WNK1: variants seen among roughly 807,000 people sequenced by gnomAD.
WNK1 encodes WNK lysine deficient protein kinase 1.
A neutral mutation model predicts 222.8 loss-of-function variants in WNK1; 38 were observed. The observed-to-expected ratio is 0.17, with a 90% CI of 0.13 to 0.22. The LOEUF is 0.22. Ranked by LOEUF, WNK1 falls within the 10% of genes least tolerant of loss-of-function variation. WNK1 has a pLI of 1.00. For synonymous variants in WNK1, 1,090 were observed against 1,092.9 expected, an observed-to-expected ratio of 1.00 and a Z score of 0.05; for missense variants, 2,348 against 2,918.4, an observed-to-expected ratio of 0.80 and a Z score of 4.50.
intron 1 of WNK1, among the ~76,000 whole-genome samples, chr12:785,512 C>G (rs565683361): frequency 5.4e-5 from 8 of 149,420 alleles, no homozygotes; most frequent in South Asian, 4.2e-4. Context: ...GCAGTTCTGC[C>G]TCAGCCTCCC....
chr12:756,842 G>GA (rs1205112348), intron 1 of WNK1, among the ~76,000 whole-genome samples: 2 of 152,192 alleles, frequency 1.3e-5, no homozygotes, highest in Non-Finnish European at 2.9e-5. Context: ...AAGCAAGACA[G>GA]GAGAATATTG....
In WNK1 at chr12:890,679, G is replaced by A. The variant is rs72650754; in HGVS notation, c.5509+166G>A. 5.3e-3 allele frequency among the ~76,000 whole-genome samples: 814 copies of A among 152,240 alleles called. 5 individuals are homozygous for A. The highest frequency in any genetic ancestry group is 0.019 in the South Asian group (90 of 4,822). On this transcript the variant is annotated intron_variant, in intron 22 of 27. Transcript: ENST00000315939. ...ATTAGCAAATTAATAAATCTGTTCCGTTATTATTTGTCAGAGGAAAGGTTA... is the reference window on the plus strand; with the variant it reads ...ATTAGCAAATTAATAAATCTGTTCCATTATTATTTGTCAGAGGAAAGGTTA...
In WNK1 at chr12:885,970, T is replaced by A. The variant is rs745496286; in HGVS notation, c.5166T>A (p.Ala1722=). ...CCAATTTACCACTAGGAACAGTTGC[T>A]TTGCCAGTTACACCAGTGGTCACAC... ...PPTNLPLGTV[A]LPVTPVVTPG... The change falls in exon 19 of 28, where the codon GCT becomes GCA. Residue 1722 remains alanine (A), a synonymous_variant. Coordinates refer to ENST00000315939, the MANE Select transcript of WNK1 (RefSeq NM_018979.4). 1 of 1,591,512 alleles carries A rather than the reference T, an allele frequency of 6.3e-7. No homozygotes were observed. The highest frequency in any genetic ancestry group is 1.4e-5 in the African/African-American group (1 of 73,984).
intron 25 of WNK1, among the ~76,000 whole-genome samples, chr12:899,318 G>GTTTTTGT: frequency 6.6e-6 from 1 of 151,642 alleles, no homozygotes; most frequent in Non-Finnish European, 1.5e-5. Flanking sequence ...TTTTGTTTTT[G>GTTTTTGT]TTTTTTTGAG....
chr12:874,210 G>A (rs977473532), intron 9 of WNK1, among the ~76,000 whole-genome samples: 1 of 151,922 alleles, frequency 6.6e-6, no homozygotes, highest in African/African-American at 2.4e-5. Context: ...CATAAAGTCT[G>A]TTTGAACTGG....
At chr12:905,571 T>G (rs1279380306) in intron 26 of WNK1, among the ~76,000 whole-genome samples, 1 of 152,206 alleles carries the variant, frequency 6.6e-6, no homozygotes, top group African/African-American at 2.4e-5. Flanking sequence ...TATTTCTGTT[T>G]TTTGTTTTGA....
chr12:880,636 T>A, intron 11 of WNK1, 85 bp from the exon 12 acceptor site: 1 of 351,784 alleles, frequency 2.8e-6, no homozygotes, highest in Non-Finnish European at 4.1e-6. Context: ...GTGTGCTTCT[T>A]TTTTTTTTTT....
At chr12:883,643 T>C (rs1041591494) in intron 16 of WNK1, 75 bp downstream of exon 16, 36 of 1,604,860 alleles carry the variant, frequency 2.2e-5, no homozygotes, top group Non-Finnish European at 2.9e-5. Context: ...CTATGCAAAA[T>C]GTCCAGTGAT....
rs543991926 is a variant in WNK1 at position 885,336 on chromosome 12, G to A, written c.4532G>A (p.Ser1511Asn). 3.2e-5 allele frequency: 52 copies of A among 1,614,060 alleles called. No individual in the cohort carries two copies. In the South Asian group the frequency reaches 4.9e-4, roughly 15 times the overall value. Residue 1511 changes from serine (S) to asparagine (N), a missense_variant, in exon 19 of 28, where the codon AGC becomes AAC. Around this residue, in one of 13 missense-constraint regions of WNK1, gnomAD observed 1,144 missense variants for 1,273.6 expected, o/e 0.90. Coordinates refer to ENST00000315939, the MANE Select transcript of WNK1 (RefSeq NM_018979.4). ...TCACAGCTGTGCATTCAGCTTAGCAGCAGTACTTCTACTCCTACTTTAGCT... is the reference window on the plus strand; with the variant it reads ...TCACAGCTGTGCATTCAGCTTAGCAACAGTACTTCTACTCCTACTTTAGCT... ...TASQLCIQLSSSTSTPTLAET... is the reference protein window; with the variant it reads ...TASQLCIQLSNSTSTPTLAET...
intron 8 of WNK1, chr12:868,814 T>C (rs776996685): frequency 1.2e-6 from 2 of 1,614,044 alleles, no homozygotes; most frequent in South Asian, 2.2e-5. Context: ...TGCCCCAGAA[T>C]TGACCGTTTC....
At chr12:838,322 G>C (rs1949360248) in intron 4 of WNK1, among the ~76,000 whole-genome samples, 1 of 152,096 alleles carries the variant, frequency 6.6e-6, no homozygotes, top group Non-Finnish European at 1.5e-5. Flanking sequence ...AGAACTGCCA[G>C]CCTATTTTCC....
chr12:878,094 CTTGA>C (rs750218049), intron 9 of WNK1, 114 bp from the exon 10 acceptor site: 19 of 1,345,702 alleles, frequency 1.4e-5, no homozygotes, highest in Non-Finnish European at 1.8e-5. Context: ...TTGTGCATGT[CTTGA>C]TTACTAAAAT....
chr12:798,200 T>G (rs979821632), intron 1 of WNK1, among the ~76,000 whole-genome samples: 4 of 151,684 alleles, frequency 2.6e-5, no homozygotes, highest in East Asian at 3.9e-4. Flanking sequence ...TTCTTTTTTT[T>G]TTTGTTTTTG....
chr12:826,400 CT>C (rs1290706647), intron 2 of WNK1, among the ~76,000 whole-genome samples: 1 of 152,188 alleles, frequency 6.6e-6, no homozygotes, highest in African/African-American at 2.4e-5. Flanking sequence ...CCATTTCTGT[CT>C]GGGGTTTAGC....
At chr12:754,387 G>C in intron 1 of WNK1, 63 bp downstream of exon 1, 1 of 1,602,724 alleles carries the variant, frequency 6.2e-7, no homozygotes, top group Non-Finnish European at 8.5e-7. Flanking sequence ...GGCGAAGCCA[G>C]TTGATCGAGT....
In WNK1 at chr12:884,310, A is replaced by T; in HGVS notation, c.3844+67A>T. 1 of 1,604,690 alleles carries T rather than the reference A, an allele frequency of 6.2e-7. No individual in the cohort carries two copies. Among genetic ancestry groups the T allele is most frequent in the Non-Finnish European group, 8.5e-7 (1 of 1,172,682 alleles). On this transcript the variant is annotated intron_variant, in intron 18 of 27. Transcript: ENST00000315939. The surrounding 1 kb of genome is among the most constrained non-coding windows in gnomAD (Gnocchi z 5.6). ...GTGCCTCTGCTATGTTGAAAGCTTAATCATAAAGCAGTAATTTATGATGAC... is the reference window on the plus strand; with the variant it reads ...GTGCCTCTGCTATGTTGAAAGCTTATTCATAAAGCAGTAATTTATGATGAC...
rs1056907546 is a variant in WNK1, at chr12:868,318, G to T, written c.2140-2947G>T. ...ATTACCAGGCCCGGGTGGCAGAACA[G>T]TATGAGGGCATTCCATACAACTCAT... On this transcript the variant is annotated intron_variant, in intron 8 of 27. Transcript: ENST00000315939. The T allele has an allele frequency of 6.2e-7, 1 of 1,612,604 alleles. No individual in the cohort carries two copies. The highest frequency in any genetic ancestry group is 8.5e-7 in the Non-Finnish European group (1 of 1,179,202).
chr12:795,989 G>C (rs181634504), intron 1 of WNK1, among the ~76,000 whole-genome samples: 62 of 152,204 alleles, frequency 4.1e-4, no homozygotes, highest in African/African-American at 1.4e-3. Context: ...CCGGGTTCAA[G>C]TGACCTTCCC....
Position 884,051 on chromosome 12 carries a change from A to G in WNK1, c.3722-70A>G. The G allele has an allele frequency of 7.5e-6, 12 of 1,605,652 alleles. No individual in the cohort carries two copies. The highest frequency in any genetic ancestry group is 2.2e-5 in the South Asian group (2 of 90,262). ...TCAAAAAAAGCAGTTGTATGTGCCA[A>G]TAATGAAGTCTAACAATATTTATAA... On this transcript the variant is annotated intron_variant, in intron 17 of 27. Coordinates refer to ENST00000315939, the MANE Select transcript of WNK1 (RefSeq NM_018979.4). This position sits in a 1 kb window ranked among gnomAD's most constrained non-coding sequence, Gnocchi z 5.6.
Sources: allele counts gnomAD v4.1 joint callset (sites outside exome capture counted in the v4.1 genomes callset), GRCh38; gene constraint gnomAD v4.1.1; regional missense constraint gnomAD v4.1.1; non-coding constraint Gnocchi (gnomAD v3.1); transcripts MANE v1.5; gene names NCBI Gene and HGNC (gene_info 2026-07-23, HGNC 2026-07-21).